DPH6: variants seen among roughly 807,000 people sequenced by gnomAD.
DPH6 encodes the protein diphthine--ammonia ligase.
A neutral mutation model predicts 38.2 loss-of-function variants in DPH6; 33 were observed. That is an observed-to-expected ratio of 0.86 (90% confidence interval 0.65 to 1.15). The LOEUF is 1.15. Among genes scored for constraint, DPH6 ranks in the 50% most tolerant of loss-of-function variants. The pLI, the probability that DPH6 is intolerant of heterozygous loss-of-function variation, is 0.00. For synonymous variants in DPH6, 108 were observed against 103.0 expected, an observed-to-expected ratio of 1.05 and a Z score of -0.30; for missense variants, 325 against 320.0, an observed-to-expected ratio of 1.02 and a Z score of -0.12.
intron 3 of DPH6, chr15:35,521,028 G>T: frequency 2.0e-6 from 2 of 985,116 alleles, no homozygotes; most frequent in Middle Eastern, 5.2e-4. Context: ...GGAGGGGAAG[G>T]GGCTTTAGAT....
At chr15:35,376,859 T>C (rs1452179268) in intron 7 of DPH6, among the ~76,000 whole-genome samples, 1 of 152,182 alleles carries the variant, frequency 6.6e-6, no homozygotes, top group Non-Finnish European at 1.5e-5. Flanking sequence ...CCATCTATAT[T>C]TGTATAAGTA....
At chr15:35,522,173 T>G in intron 3 of DPH6, 1 of 1,613,392 alleles carries the variant, frequency 6.2e-7, no homozygotes, top group South Asian at 1.1e-5. Flanking sequence ...CACAGTTCAT[T>G]TGGAGTCCTG....
chr15:35,417,811 A>G (rs1329365729), intron 5 of DPH6, among the ~76,000 whole-genome samples: 5 of 152,032 alleles, frequency 3.3e-5, no homozygotes, highest in Non-Finnish European at 4.4e-5. Flanking sequence ...AAAAGGCACA[A>G]TTTTCTTTTT....
At chr15:35,527,533 T>TA (rs997580591) in intron 3 of DPH6, among the ~76,000 whole-genome samples, 37 of 152,110 alleles carry the variant, frequency 2.4e-4, no homozygotes, top group Admixed American at 5.9e-4. Context: ...TGTATTAAAC[T>TA]AGACTAAGTA....
chr15:35,499,664 C>A (rs1260706629), intron 3 of DPH6, among the ~76,000 whole-genome samples: 1 of 152,192 alleles, frequency 6.6e-6, no homozygotes, highest in Non-Finnish European at 1.5e-5. Flanking sequence ...TAACCAAAAT[C>A]ATTAGGACAC....
chr15:35,362,113 G>C (rs1432592729), intron 3 of DPH6, among the ~76,000 whole-genome samples: 2 of 152,164 alleles, frequency 1.3e-5, no homozygotes, highest in Admixed American at 1.3e-4. Flanking sequence ...AACCCAGTTA[G>C]AAATTTTGGG....
intron 3 of DPH6, among the ~76,000 whole-genome samples, chr15:35,536,107 T>C (rs952506443): frequency 6.6e-6 from 1 of 151,858 alleles, no homozygotes; most frequent in Admixed American, 6.6e-5. Flanking sequence ...TTCTTTTTCT[T>C]AGAACAAGTA....
chr15:35,172,707 G>C, the DPH6 span, among the ~76,000 whole-genome samples: 5 of 152,104 alleles, frequency 3.3e-5, no homozygotes, highest in Non-Finnish European at 7.4e-5. Flanking sequence ...TTGAGATGGG[G>C]TCTCATTATG....
chr15:35,153,866 G>A, the DPH6 span, among the ~76,000 whole-genome samples: 4 of 152,152 alleles, frequency 2.6e-5, no homozygotes, highest in African/African-American at 9.7e-5. Flanking sequence ...TCTGGAAAGG[G>A]TGGAGTTTAA....
At chr15:35,359,542 G>A (rs557478067) in intron 3 of DPH6, among the ~76,000 whole-genome samples, 1 of 152,286 alleles carries the variant, frequency 6.6e-6, no homozygotes, top group Admixed American at 6.5e-5. Flanking sequence ...AGCTCCCAGG[G>A]CCTTTCTGCT....
At chr15:35,494,915 A>G (rs2054529296) in intron 3 of DPH6, among the ~76,000 whole-genome samples, 1 of 152,138 alleles carries the variant, frequency 6.6e-6, no homozygotes, top group African/African-American at 2.4e-5. Flanking sequence ...CTTTCACCCT[A>G]AAATCAGGAA....
At chr15:35,418,590 T>G (rs1320127904) in intron 5 of DPH6, among the ~76,000 whole-genome samples, 1 of 152,136 alleles carries the variant, frequency 6.6e-6, no homozygotes, top group African/African-American at 2.4e-5. Context: ...TTTACTTGCA[T>G]GTATCAATGG....
chr15:35,418,478 G>T (rs961943924), intron 5 of DPH6, among the ~76,000 whole-genome samples: 4 of 151,982 alleles, frequency 2.6e-5, no homozygotes, highest in African/African-American at 9.7e-5. Context: ...AAGCTGGGTG[G>T]ATGAATAAAC....
chr15:35,372,099 A>G lies in DPH6; in HGVS notation c.*51T>C. Reference sequence around the variant, plus strand: ...ATAGTAACTGAGAAAATACTATGCAATTTTTTTGTATAGAAATGGTGGTTT... The same window carrying G: ...ATAGTAACTGAGAAAATACTATGCAGTTTTTTTGTATAGAAATGGTGGTTT... On this transcript the variant is annotated 3_prime_UTR_variant, in exon 9 of 9. Coordinates refer to ENST00000256538, the MANE Select transcript of DPH6 (RefSeq NM_080650.4). The G allele has an allele frequency of 6.7e-7, 1 of 1,484,492 alleles. No individual in the cohort carries two copies. The highest frequency in any genetic ancestry group is 8.9e-7 in the Non-Finnish European group (1 of 1,122,480). The allele number at this position is 1,484,492 out of a possible 1,614,324, so 92.0% of individuals were successfully genotyped here. A position where few individuals can be genotyped will look rare whatever the true frequency, so the allele number is the denominator to read the frequency against.
intron 3 of DPH6, among the ~76,000 whole-genome samples, chr15:35,269,639 C>T (rs1595454678): frequency 6.6e-6 from 1 of 151,090 alleles, no homozygotes; most frequent in African/African-American, 2.4e-5. Context: ...GGGGTTTCAC[C>T]ATGTTAGCCA....
chr15:35,170,379 CA>C, the DPH6 span, among the ~76,000 whole-genome samples: 3 of 152,150 alleles, frequency 2.0e-5, 1 homozygote, highest in South Asian at 6.2e-4. Context: ...CACCATGAAT[CA>C]AAGCCCTTTC....
At chr15:35,163,634 A>C in the DPH6 span, among the ~76,000 whole-genome samples, 1 of 152,010 alleles carries the variant, frequency 6.6e-6, no homozygotes, top group East Asian at 1.9e-4. Flanking sequence ...TATAATTGGT[A>C]ATAAGAATAA....
At chr15:35,444,183 T>C (rs1229993462) in intron 5 of DPH6, among the ~76,000 whole-genome samples, 1 of 152,186 alleles carries the variant, frequency 6.6e-6, no homozygotes, top group Non-Finnish European at 1.5e-5. Context: ...CTAGAGATTA[T>C]TGTTCAATAA....
downstream of DPH6, among the ~76,000 whole-genome samples, chr15:35,369,497 A>G (rs1386868926): frequency 6.6e-6 from 1 of 151,636 alleles, no homozygotes; most frequent in Non-Finnish European, 1.5e-5. Flanking sequence ...CTTCTCTACC[A>G]TGTGGGTTAG....
Sources: gnomAD v4.1 joint callset for allele counts (sites outside exome capture counted in the v4.1 genomes callset) on GRCh38, gnomAD v4.1.1 for gene constraint, MANE v1.5 for transcripts, NCBI Gene and HGNC (gene_info 2026-07-23, HGNC 2026-07-21) for gene names.